FABP2: variants seen among roughly 807,000 people sequenced by gnomAD.
FABP2 encodes the protein fatty acid binding protein 2.
A neutral mutation model predicts 16.1 loss-of-function variants in FABP2; 11 were observed. The observed-to-expected ratio is 0.68, with a 90% CI of 0.43 to 1.13. FABP2 has a LOEUF of 1.13. Among genes scored for constraint, FABP2 ranks in the 50% most tolerant of loss-of-function variants. The probability of loss-of-function intolerance (pLI) is 0.00; values close to 1 mark genes in which losing one functional copy is unlikely to be tolerated. For missense variants in FABP2, 146 were observed against 155.1 expected (o/e 0.94, Z 0.31); for synonymous variants, 45 against 50.9 (o/e 0.88, Z 0.49).
chr4:119,320,830 A>T lies in FABP2; in HGVS notation c.80T>A (p.Val27Glu). The change falls in exon 2 of 4, where the codon GTG becomes GAG. Residue 27 changes from valine to glutamate, a missense_variant. Coordinates refer to ENST00000274024, the MANE Select transcript of FABP2 (RefSeq NM_000134.4). Reference sequence around the variant, plus strand: ...GTCATGAGCTGCAAGCTTCCTTTTCACTATATTAACACCTGTAAAAGGTAA... The same window carrying T: ...GTCATGAGCTGCAAGCTTCCTTTTCTCTATATTAACACCTGTAAAAGGTAA... ...KFMEKMGVNI[V>E]KRKLAAHDNL... 6.3e-7 allele frequency: 1 copy of T among 1,591,462 alleles called. No homozygotes were observed. The highest frequency in any genetic ancestry group is 8.5e-7 in the Non-Finnish European group (1 of 1,172,780).
intron 3 of FABP2, 71 bp from the exon 4 acceptor site, chr4:119,319,162 T>C (rs537087485): frequency 1.4e-5 from 13 of 923,678 alleles, no homozygotes; most frequent in Non-Finnish European, 2.2e-5. Context: ...AGTAGTATTA[T>C]AGTTTTATAC....
intron 1 of FABP2, among the ~76,000 whole-genome samples, chr4:119,321,568 A>C (rs1253394618): frequency 6.6e-6 from 1 of 152,154 alleles, no homozygotes. Context: ...AGATTATTCC[A>C]AAACTTTTTT....
intron 3 of FABP2, 84 bp from the exon 4 acceptor site, chr4:119,319,175 T>TA: frequency 3.1e-6 from 2 of 653,794 alleles, no homozygotes; most frequent in Non-Finnish European, 4.9e-6. Context: ...TTTTATACTA[T>TA]ATGAGTTTAT....
chr4:119,321,271 C>T (rs1278045018), intron 1 of FABP2, among the ~76,000 whole-genome samples: 2 of 152,008 alleles, frequency 1.3e-5, no homozygotes, highest in Non-Finnish European at 2.9e-5. Flanking sequence ...GTGGCTTTAA[C>T]ATTTTGAACT....
At chr4:119,320,264 G>A (rs1009204392) in intron 2 of FABP2, among the ~76,000 whole-genome samples, 1 of 151,884 alleles carries the variant, frequency 6.6e-6, no homozygotes, top group African/African-American at 2.4e-5. Context: ...TTTCCATTTG[G>A]TAACTCACTC....
At chr4:119,320,610 C>A (rs955122304) in intron 2 of FABP2, 60 bp downstream of exon 2, 32 of 1,320,768 alleles carry the variant, frequency 2.4e-5, no homozygotes, top group Non-Finnish European at 3.0e-5. Context: ...GAGCAGAAAT[C>A]ATTTTAATAT....
chr4:119,320,805 G>A lies in FABP2; in HGVS notation c.105C>T (p.Asp35=). ...CTTGTGTAATTGTCAGCTTCAAATT[G>A]TCATGAGCTGCAAGCTTCCTTTTCA... ...NIVKRKLAAH[D]NLKLTITQEG... The change falls in exon 2 of 4, where the codon GAC becomes GAT. Residue 35 remains aspartate, a synonymous_variant. Coordinates refer to ENST00000274024, the MANE Select transcript of FABP2 (RefSeq NM_000134.4). The A allele has an allele frequency of 6.2e-7, 1 of 1,600,180 alleles. No homozygotes were observed. Among genetic ancestry groups the A allele is most frequent in the Non-Finnish European group, 8.5e-7 (1 of 1,175,464 alleles).
At chr4:119,320,630 A>G (rs1755650613) in intron 2 of FABP2, 40 bp downstream of exon 2, 1 of 1,464,754 alleles carries the variant, frequency 6.8e-7, no homozygotes, top group African/African-American at 1.5e-5. Context: ...TTGGGTAGAA[A>G]AATCAAGAAT....
chr4:119,322,085 A>G lies in FABP2; in HGVS notation c.18T>C (p.Thr6=), dbSNP rs760519464. ...AGTTTTCACTCCGGTCTACCTTCCA[A>G]GTGCTGTCAAACGCCATGATTTCAG... MAFDS[T]WKVDRSENYD... is the part of the protein sequence containing the mutation. Residue 6 remains threonine (T), a synonymous_variant, in exon 1 of 4, where the codon ACT becomes ACC. Transcript: ENST00000274024. 1.2e-6 allele frequency: 2 copies of G among 1,613,338 alleles called. No individual in the cohort carries two copies. Among genetic ancestry groups the G allele is most frequent in the Non-Finnish European group, 1.7e-6 (2 of 1,179,604 alleles).
chr4:119,321,959 C>A, intron 1 of FABP2, 77 bp downstream of exon 1: 5 of 1,200,724 alleles, frequency 4.2e-6, no homozygotes, highest in Non-Finnish European at 6.1e-6. Context: ...TCTGTAATCT[C>A]CTAGAGATTT....
intron 2 of FABP2, 33 bp from the exon 3 acceptor site, chr4:119,319,676 T>TAATAATAAG: frequency 1.0e-6 from 1 of 986,540 alleles, no homozygotes; most frequent in Non-Finnish European, 1.4e-6. Context: ...ATAATAATAA[T>TAATAATAAG]AATGGCATTT....
At chr4:119,319,465 A>G (rs147707574) in intron 3 of FABP2, 71 bp downstream of exon 3, 39 of 837,360 alleles carry the variant, frequency 4.7e-5, no homozygotes, top group Non-Finnish European at 7.0e-5. Flanking sequence ...GATCTGGCTC[A>G]GCAGTGACAA....
intron 2 of FABP2, among the ~76,000 whole-genome samples, chr4:119,320,033 G>A (rs1031577755): frequency 6.6e-6 from 1 of 152,012 alleles, no homozygotes; most frequent in Non-Finnish European, 1.5e-5. Flanking sequence ...ACAACTCTGT[G>A]CTTGTTTTAA....
chr4:119,318,952 T>G lies in FABP2; in HGVS notation c.*89A>C. 9.6e-7 allele frequency: 1 copy of G among 1,042,012 alleles called. No homozygotes were observed. The highest frequency in any genetic ancestry group is 1.4e-6 in the Non-Finnish European group (1 of 697,990). 64.5% of individuals were successfully genotyped at this position (1,042,012 alleles called of 1,614,324 possible). On this transcript the variant is annotated 3_prime_UTR_variant, in exon 4 of 4. Coordinates refer to ENST00000274024, the MANE Select transcript of FABP2 (RefSeq NM_000134.4). ...TAAAAGGACCAATCAATCAGTAACC[T>G]TATACTTGATGGGGTGAAATAAATA...
At chr4:119,320,225 AC>A (rs1315872985) in intron 2 of FABP2, among the ~76,000 whole-genome samples, 1 of 151,994 alleles carries the variant, frequency 6.6e-6, no homozygotes, top group Non-Finnish European at 1.5e-5. Flanking sequence ...GAAAAGGTAC[AC>A]TCCCAATGAC....
chr4:119,320,543 A>G, intron 2 of FABP2, 127 bp downstream of exon 2: 3 of 713,520 alleles, frequency 4.2e-6, no homozygotes, highest in East Asian at 3.0e-5. Flanking sequence ...GACAAACTTC[A>G]TTGGCTTCTT....
rs1023512345 is a variant in FABP2 at position 119,319,415 on chromosome 4, C to T, written c.348+121G>A. ...AATAGCTATACAATATTTTTAAAAT[C>T]AGTAAGATTTATGAGAAAAGAAGTA... On this transcript the variant is annotated intron_variant, in intron 3 of 3. Coordinates refer to ENST00000274024, the MANE Select transcript of FABP2 (RefSeq NM_000134.4). The T allele has an allele frequency of 1.8e-5, 10 of 555,710 alleles. No homozygotes were observed. In the African/African-American group the frequency reaches 2.0e-4, roughly 11 times the overall value. The allele number at this position is 555,710 out of a possible 1,614,324, so 34.4% of individuals were successfully genotyped here. A position where few individuals can be genotyped will look rare whatever the true frequency, so the allele number is the denominator to read the frequency against.
intron 1 of FABP2, 89 bp downstream of exon 1, chr4:119,321,947 T>C (rs1467430906): frequency 9.6e-6 from 10 of 1,046,322 alleles, no homozygotes; most frequent in Non-Finnish European, 1.5e-5. Context: ...ATCTGTAAGC[T>C]ATCTGTAATC....
At chr4:119,321,906 C>T in intron 1 of FABP2, 130 bp downstream of exon 1, 1 of 671,406 alleles carries the variant, frequency 1.5e-6, no homozygotes. Context: ...CTCTGAACAT[C>T]TTCTGGATCC....
Sources: gnomAD v4.1 joint callset for allele counts (sites outside exome capture counted in the v4.1 genomes callset) on GRCh38, gnomAD v4.1.1 for gene constraint, MANE v1.5 for transcripts, NCBI Gene and HGNC (gene_info 2026-07-23, HGNC 2026-07-21) for gene names.